PRKG1: variants seen among roughly 807,000 people sequenced by gnomAD.
The protein encoded by PRKG1 is cGMP-dependent protein kinase 1.
Under a neutral mutation model 88.1 loss-of-function variants are expected in PRKG1, and 35 were observed. The ratio of observed to expected loss-of-function variants is 0.40; its 90% CI spans 0.30 to 0.53. The LOEUF (loss-of-function observed/expected upper bound fraction) is 0.53, where lower values mean the gene tolerates loss of function less well. PRKG1 is among the 20% of genes least tolerant of loss of function. PRKG1 has a pLI of 0.59. For missense variants in PRKG1, 540 were observed against 839.8 expected (o/e 0.64, Z 4.41); for synonymous variants, 303 against 292.5 (o/e 1.04, Z -0.37).
At chr10:51,908,628 A>T (rs1842137317) in intron 5 of PRKG1, 1 of 151,986 alleles carries the variant, frequency 6.6e-6, no homozygotes, top group African/African-American at 2.4e-5. Flanking sequence ...ACAATAATCC[A>T]GGGAACAATA....
chr10:51,071,936 T>A (rs1168672291), upstream of PRKG1, among the ~76,000 whole-genome samples: 2 of 152,202 alleles, frequency 1.3e-5, no homozygotes, highest in Non-Finnish European at 2.9e-5. Flanking sequence ...CAGTGGCTAA[T>A]GCCTATAATC....
intron 3 of PRKG1, among the ~76,000 whole-genome samples, chr10:51,663,324 T>C (rs947613629): frequency 6.6e-6 from 1 of 152,142 alleles, no homozygotes; most frequent in Non-Finnish European, 1.5e-5. Flanking sequence ...AAGGCCAGTT[T>C]CCTGTTCTAT....
chr10:51,775,864 G>A (rs760949972), intron 3 of PRKG1, among the ~76,000 whole-genome samples: 2 of 152,048 alleles, frequency 1.3e-5, no homozygotes, highest in African/African-American at 2.4e-5. Flanking sequence ...GATTACAGGC[G>A]TGAGCCACTG....
At chr10:51,285,225 G>A (rs1333379542) in intron 2 of PRKG1, among the ~76,000 whole-genome samples, 2 of 151,800 alleles carry the variant, frequency 1.3e-5, no homozygotes, top group African/African-American at 4.8e-5. Flanking sequence ...CATTTCCTAA[G>A]TTTTCATTGC....
At chr10:51,628,955 G>T in intron 3 of PRKG1, among the ~76,000 whole-genome samples, 1 of 120,830 alleles carries the variant, frequency 8.3e-6, no homozygotes, top group South Asian at 3.0e-4. Context: ...GACAGAGCGA[G>T]ACTCCGTCTC....
intron 7 of PRKG1, among the ~76,000 whole-genome samples, chr10:52,067,514 T>C (rs930370911): frequency 1.6e-4 from 24 of 152,328 alleles, no homozygotes; most frequent in African/African-American, 5.3e-4. Context: ...CTCAGCCTCA[T>C]GACTACTATC....
At chr10:52,119,084 T>C (rs948843578) in intron 7 of PRKG1, among the ~76,000 whole-genome samples, 1 of 152,140 alleles carries the variant, frequency 6.6e-6, no homozygotes, top group Non-Finnish European at 1.5e-5. Flanking sequence ...TAAAGTATTA[T>C]TATGAAAATC....
In PRKG1 at chr10:51,127,353, A is replaced by C. The variant is rs150214228; in HGVS notation, c.312-25811A>C. Among the ~76,000 whole-genome samples, 313 of 152,318 alleles carry C rather than the reference A, an allele frequency of 2.1e-3. 2 individuals are homozygous for C. Among genetic ancestry groups the C allele is most frequent in the African/African-American group, 7.3e-3 (303 of 41,570 alleles). On this transcript the variant is annotated intron_variant, in intron 1 of 17. Transcript: ENST00000373980. The stretch of plus-strand genomic sequence containing the variant: ...CATATTTGTTGCCAAGAAACATATG[A>C]AAAAAGCTCAACATCACTGATCATT...
intron 5 of PRKG1, among the ~76,000 whole-genome samples, chr10:51,949,996 TAC>T (rs1238817639): frequency 1.4e-4 from 22 of 152,204 alleles, no homozygotes; most frequent in Admixed American, 1.2e-3. Flanking sequence ...TGATAGCTGC[TAC>T]AGTCTTTATT....
chr10:51,178,545 G>A lies in PRKG1; in HGVS notation c.478+25215G>A, dbSNP rs540957350. Reference sequence around the variant, plus strand: ...CCAGCTACTCTGGTGGCTGAGGTGGGAGGATTACCTGAGCTCAGGAGGTCA... The same window carrying A: ...CCAGCTACTCTGGTGGCTGAGGTGGAAGGATTACCTGAGCTCAGGAGGTCA... On this transcript the variant is annotated intron_variant, in intron 2 of 17. Transcript: ENST00000373980. Among the ~76,000 whole-genome samples the A allele has an allele frequency of 1.3e-4, 20 of 152,252 alleles. 1 individual carries two copies. The South Asian group carries it at 3.3e-3, about 25-fold the overall frequency.
chr10:51,010,753 C>T (rs1031051429), intron 1 of PRKG1, among the ~76,000 whole-genome samples: 3 of 152,184 alleles, frequency 2.0e-5, no homozygotes, highest in African/African-American at 7.2e-5. Flanking sequence ...ACTCTGGTGC[C>T]ACTGGTGGTG....
At chr10:51,326,872 T>C (rs1841606141) in intron 2 of PRKG1, among the ~76,000 whole-genome samples, 2 of 152,222 alleles carry the variant, frequency 1.3e-5, no homozygotes, top group African/African-American at 4.8e-5. Context: ...AGCTAAGAAA[T>C]AGTAAAACTT....
intron 2 of PRKG1, among the ~76,000 whole-genome samples, chr10:51,439,807 A>G (rs1050021084): frequency 2.6e-5 from 4 of 151,918 alleles, no homozygotes; most frequent in African/African-American, 4.8e-5. Flanking sequence ...ATGTCAAGGT[A>G]CTAAGATTGA....
intron 3 of PRKG1, among the ~76,000 whole-genome samples, chr10:51,495,195 A>G (rs1330447114): frequency 2.0e-5 from 3 of 152,100 alleles, no homozygotes; most frequent in Non-Finnish European, 4.4e-5. Flanking sequence ...CTGGGGTTCA[A>G]GCTATTCTCC....
intron 9 of PRKG1, among the ~76,000 whole-genome samples, chr10:52,184,536 A>G (rs1839134684): frequency 6.6e-6 from 1 of 152,196 alleles, no homozygotes; most frequent in East Asian, 1.9e-4. Flanking sequence ...AATCTTAGCA[A>G]TGTTACAGCT....
intron 4 of PRKG1, among the ~76,000 whole-genome samples, chr10:51,850,499 A>ATGTATGTATATG (rs1554848488): frequency 6.6e-6 from 1 of 151,282 alleles, no homozygotes; most frequent in Non-Finnish European, 1.5e-5. Flanking sequence ...TTATATATAT[A>ATGTATGTATATG]TATATGTATA....
At chr10:51,374,003 G>A (rs1327506666) in intron 2 of PRKG1, among the ~76,000 whole-genome samples, 1 of 149,988 alleles carries the variant, frequency 6.7e-6, no homozygotes, top group Non-Finnish European at 1.5e-5. Flanking sequence ...TTAGCTGGGG[G>A]CGGTGTAAGG....
intron 3 of PRKG1, among the ~76,000 whole-genome samples, chr10:51,562,663 A>G (rs1019062337): frequency 6.6e-6 from 1 of 152,092 alleles, no homozygotes; most frequent in African/African-American, 2.4e-5. Flanking sequence ...TCACAGCTGG[A>G]GTCTCTTGAA....
At chr10:52,120,028 AGAGACAGAGAGAGG>A (rs1589623716) in intron 7 of PRKG1, among the ~76,000 whole-genome samples, 1 of 152,002 alleles carries the variant, frequency 6.6e-6, no homozygotes, top group Non-Finnish European at 1.5e-5. Context: ...ACAGAGGCAG[AGAGACAGAGAGAGG>A]GAGACAGAGA....
Sources: allele counts gnomAD v4.1 joint callset (sites outside exome capture counted in the v4.1 genomes callset), GRCh38; gene constraint gnomAD v4.1.1; transcripts MANE v1.5; gene names NCBI Gene and HGNC (gene_info 2026-07-23, HGNC 2026-07-21).